PDE3A: variants seen among roughly 807,000 people sequenced by gnomAD.
The protein encoded by PDE3A is phosphodiesterase 3A, also known as cGMP-inhibited 3',5'-cyclic phosphodiesterase 3A.
PDE3A carries 43 observed loss-of-function variants against 98.3 expected under a neutral mutation model. The observed-to-expected ratio is 0.44, with a 90% CI of 0.34 to 0.56. The LOEUF is 0.56. Among genes scored for constraint, PDE3A ranks in the 20% least tolerant of loss-of-function variants. PDE3A has a pLI of 0.01. For synonymous variants in PDE3A, 663 were observed against 567.9 expected, an observed-to-expected ratio of 1.17 and a Z score of -2.38; for missense variants, 1,427 against 1,440.7, an observed-to-expected ratio of 0.99 and a Z score of 0.15.
intron 2 of PDE3A, among the ~76,000 whole-genome samples, chr12:20,593,088 A>G (rs1017139869): frequency 6.6e-6 from 1 of 152,188 alleles, no homozygotes; most frequent in Non-Finnish European, 1.5e-5. Flanking sequence ...TACTATGGAG[A>G]CTTCGAGGCT....
At chr12:20,622,917 A>G (rs953344563) in intron 5 of PDE3A, among the ~76,000 whole-genome samples, 1 of 152,152 alleles carries the variant, frequency 6.6e-6, no homozygotes, top group Admixed American at 6.6e-5. Flanking sequence ...TAATTGCACA[A>G]AGAAACACCA....
intron 2 of PDE3A, among the ~76,000 whole-genome samples, chr12:20,585,603 TG>T (rs34148765): frequency 0.016 from 2,405 of 151,970 alleles, 31 homozygotes; most frequent in Non-Finnish European, 0.02. Context: ...CAAATGTAAA[TG>T]GTAATAACAG....
At chr12:20,470,166 T>C (rs188086406) in intron 1 of PDE3A, among the ~76,000 whole-genome samples, 53 of 152,312 alleles carry the variant, frequency 3.5e-4, no homozygotes, top group Admixed American at 2.6e-3. Context: ...CCTCCATTAT[T>C]TTAGTTGTTA....
At chr12:20,530,489 C>CTT (rs35355077) in intron 1 of PDE3A, among the ~76,000 whole-genome samples, 65 of 143,830 alleles carry the variant, frequency 4.5e-4, no homozygotes, top group Admixed American at 2.1e-3. Flanking sequence ...CTATACAATA[C>CTT]TTTTTTTTTT....
chr12:20,648,291 A>G (rs549501775), intron 12 of PDE3A, among the ~76,000 whole-genome samples: 25 of 149,928 alleles, frequency 1.7e-4, no homozygotes, highest in Admixed American at 1.5e-3. Flanking sequence ...TTATATTTAT[A>G]TTTACATATA....
intron 8 of PDE3A, among the ~76,000 whole-genome samples, chr12:20,636,071 T>A (rs1403290991): frequency 6.6e-6 from 1 of 152,164 alleles, no homozygotes; most frequent in Non-Finnish European, 1.5e-5. Flanking sequence ...ATATTCATTG[T>A]CTTAGGGCAT....
intron 1 of PDE3A, among the ~76,000 whole-genome samples, chr12:20,528,105 CA>C (rs1946560409): frequency 2.0e-5 from 3 of 152,246 alleles, no homozygotes; most frequent in Non-Finnish European, 4.4e-5. Flanking sequence ...AATGCCCTGA[CA>C]ACTTTAATTG....
At chr12:20,564,628 GT>G (rs142024315) in intron 2 of PDE3A, among the ~76,000 whole-genome samples, 1 of 152,204 alleles carries the variant, frequency 6.6e-6, no homozygotes, top group African/African-American at 2.4e-5. Context: ...TGGAACTTCT[GT>G]TTCAGGGAAA....
At chr12:20,395,564 A>AATATGTATACTATGTGTACACATAGTAT (rs1565535727) in intron 1 of PDE3A, among the ~76,000 whole-genome samples, 2 of 121,352 alleles carry the variant, frequency 1.6e-5, no homozygotes, top group African/African-American at 6.3e-5. Flanking sequence ...CACATAGTAT[A>AATATGTATACTATGTGTACACATAGTAT]TATATACATA....
Position 20,552,045 on chromosome 12 carries a change from T to A in PDE3A, c.961-4615T>A. 6.2e-7 allele frequency: 1 copy of A among 1,612,278 alleles called. No individual in the cohort carries two copies. Among genetic ancestry groups the A allele is most frequent in the South Asian group, 1.1e-5 (1 of 90,992 alleles). On this transcript the variant is annotated intron_variant, in intron 1 of 15. Coordinates refer to ENST00000359062, the MANE Select transcript of PDE3A (RefSeq NM_000921.5). The surrounding 1 kb of genome is among the most constrained non-coding windows in gnomAD (Gnocchi z 5.1). ...GGGGCTACGAGGATGACGTGGACCA[T>A]GGGAATTTTTTCACATACACGGGTA...
intron 1 of PDE3A, among the ~76,000 whole-genome samples, chr12:20,503,461 T>C (rs1946058881): frequency 6.6e-6 from 1 of 152,024 alleles, no homozygotes; most frequent in South Asian, 2.1e-4. Flanking sequence ...ATAAAATGCT[T>C]TTTTCTCCTC....
intron 2 of PDE3A, among the ~76,000 whole-genome samples, chr12:20,609,812 T>C (rs1359307172): frequency 1.3e-5 from 2 of 151,948 alleles, no homozygotes; most frequent in African/African-American, 4.8e-5. Flanking sequence ...GGAGTCTCTT[T>C]GATAAAAGGT....
At chr12:20,454,135 C>G (rs895649443) in intron 1 of PDE3A, among the ~76,000 whole-genome samples, 3 of 152,166 alleles carry the variant, frequency 2.0e-5, no homozygotes, top group Non-Finnish European at 1.5e-5. Context: ...AACACTTTCC[C>G]CATTTACTCA....
intron 1 of PDE3A, among the ~76,000 whole-genome samples, chr12:20,385,291 A>T (rs117408134): frequency 0.034 from 5,120 of 152,062 alleles, 124 homozygotes; most frequent in Middle Eastern, 0.048. Flanking sequence ...AGGAAGCGAC[A>T]GGTGCTGGAG....
chr12:20,647,648 A>G (rs951236362), intron 12 of PDE3A, among the ~76,000 whole-genome samples: 1 of 152,048 alleles, frequency 6.6e-6, no homozygotes, highest in African/African-American at 2.4e-5. Flanking sequence ...ATTTCATTCA[A>G]TATTGACTTT....
At chr12:20,431,594 AACAC>A (rs35221225) in intron 1 of PDE3A, among the ~76,000 whole-genome samples, 3,850 of 146,814 alleles carry the variant, frequency 0.026, 104 homozygotes, top group African/African-American at 0.075. Flanking sequence ...TAGTCAGGAA[AACAC>A]ACACACACAC....
intron 1 of PDE3A, among the ~76,000 whole-genome samples, chr12:20,484,124 C>A (rs929640977): frequency 5.3e-5 from 8 of 151,944 alleles, no homozygotes; most frequent in African/African-American, 1.7e-4. Context: ...TAGCTGTTAC[C>A]TAAGTACTTA....
chr12:20,655,065 G>C (rs1379693551), intron 15 of PDE3A, among the ~76,000 whole-genome samples: 1 of 152,112 alleles, frequency 6.6e-6, no homozygotes, highest in African/African-American at 2.4e-5. Flanking sequence ...GTACATTCTA[G>C]TGGGATCAGT....
chr12:20,675,625 T>C (rs114778985), intron 15 of PDE3A, among the ~76,000 whole-genome samples: 1 of 152,358 alleles, frequency 6.6e-6, no homozygotes, highest in African/African-American at 2.4e-5. Context: ...AGATCAGGTT[T>C]AGTATCTGGT....
Sources: gnomAD v4.1 joint callset for allele counts (sites outside exome capture counted in the v4.1 genomes callset) on GRCh38, gnomAD v4.1.1 for gene constraint, Gnocchi (gnomAD v3.1) non-coding constraint, MANE v1.5 for transcripts, NCBI Gene and HGNC (gene_info 2026-07-23, HGNC 2026-07-21) for gene names.